Variants in GRM8 observed in about 807,000 individuals in gnomAD.
GRM8 encodes the protein glutamate metabotropic receptor 8, also known as metabotropic glutamate receptor 8.
Under a neutral mutation model 87.2 loss-of-function variants are expected in GRM8, and 47 were observed. The ratio of observed to expected loss-of-function variants is 0.54; its 90% confidence interval spans 0.43 to 0.69. The LOEUF (loss-of-function observed/expected upper bound fraction) is 0.69. Ranked by LOEUF, GRM8 falls within the 30% of genes least tolerant of loss-of-function variation. The pLI is 0.00. For synonymous variants in GRM8, 396 were observed against 404.5 expected, an observed-to-expected ratio of 0.98 and a Z score of 0.25; for missense variants, 1,019 against 1,139.2, an observed-to-expected ratio of 0.89 and a Z score of 1.52.
intron 3 of GRM8, among the ~76,000 whole-genome samples, chr7:127,066,688 ATAT>A (rs1051822158): frequency 7.2e-5 from 11 of 152,256 alleles, no homozygotes; most frequent in Admixed American, 1.3e-4. Flanking sequence ...TTGAAACTGT[ATAT>A]TATTAACAGT....
chr7:126,976,065 T>C (rs1810954854), intron 3 of GRM8, among the ~76,000 whole-genome samples: 1 of 152,188 alleles, frequency 6.6e-6, no homozygotes, highest in Non-Finnish European at 1.5e-5. Flanking sequence ...GATAATGAAG[T>C]TGAAAAACAC....
Position 127,097,855 on chromosome 7 carries a change from T to C in GRM8, c.727+8641A>G, listed in dbSNP as rs529693646. Among the ~76,000 whole-genome samples, 8 of 152,360 alleles carry C rather than the reference T, an allele frequency of 5.3e-5. No individual in the cohort carries two copies. In the South Asian group the frequency reaches 1.2e-3, roughly 24 times the overall value. ...CAAACTGCCATTGTTTACTAAAAAC[T>C]TAACTACAGCATTAGAATCATAGGT... On this transcript the variant is annotated intron_variant, in intron 3 of 10. Transcript: ENST00000339582.
At chr7:126,486,133 G>A (rs557382080) in intron 9 of GRM8, among the ~76,000 whole-genome samples, 1 of 152,006 alleles carries the variant, frequency 6.6e-6, no homozygotes, top group African/African-American at 2.4e-5. Flanking sequence ...ACAAACCATA[G>A]CTACATAGCT....
intron 7 of GRM8, among the ~76,000 whole-genome samples, chr7:126,616,748 C>T (rs766152001): frequency 4.6e-5 from 7 of 152,174 alleles, no homozygotes; most frequent in Non-Finnish European, 8.8e-5. Context: ...CTATAAACAC[C>T]ACTGCGGAAA....
intron 9 of GRM8, among the ~76,000 whole-genome samples, chr7:126,453,070 AACAC>A (rs71177555): frequency 0.14 from 20,868 of 145,808 alleles, 1,429 homozygotes; most frequent in South Asian, 0.16. Flanking sequence ...TTATAGCAGA[AACAC>A]ACACACACAC....
chr7:126,662,465 G>A lies in GRM8; in HGVS notation c.1358-52967C>T, dbSNP rs1013420494. 3.3e-5 allele frequency among the ~76,000 whole-genome samples: 5 copies of A among 152,248 alleles called. No individual in the cohort carries two copies. In the East Asian group the frequency reaches 9.7e-4, roughly 29 times the overall value. On this transcript the variant is annotated intron_variant, in intron 7 of 10. Transcript: ENST00000339582. Reference sequence around the variant, plus strand: ...GGCTGAAACTCTGAAATGGAAGAAGGCTCAAGAGGTTTATTAGACTATTCA... The same window carrying A: ...GGCTGAAACTCTGAAATGGAAGAAGACTCAAGAGGTTTATTAGACTATTCA...
At chr7:126,684,631 T>C (rs1304016306) in intron 7 of GRM8, among the ~76,000 whole-genome samples, 4 of 152,170 alleles carry the variant, frequency 2.6e-5, no homozygotes, top group African/African-American at 7.2e-5. Flanking sequence ...GTTGCATCTC[T>C]CCAGCACAGT....
chr7:127,129,262 C>A (rs1181058631), intron 2 of GRM8, among the ~76,000 whole-genome samples: 2 of 152,094 alleles, frequency 1.3e-5, no homozygotes, highest in Non-Finnish European at 2.9e-5. Flanking sequence ...CAAGACTGAA[C>A]ACTTTTATTT....
intron 3 of GRM8, among the ~76,000 whole-genome samples, chr7:127,080,232 A>T (rs1012478059): frequency 6.6e-6 from 1 of 152,210 alleles, no homozygotes. Flanking sequence ...GGCTTTGAAG[A>T]TAGAAGGGGA....
intron 6 of GRM8, among the ~76,000 whole-genome samples, chr7:126,849,634 C>T (rs138830136): frequency 8.5e-4 from 130 of 152,298 alleles, no homozygotes; most frequent in African/African-American, 3.0e-3. Flanking sequence ...TCCGTCTCTT[C>T]AAACCTTGAA....
At chr7:126,443,372 T>G (rs537550615) in intron 10 of GRM8, among the ~76,000 whole-genome samples, 8 of 152,156 alleles carry the variant, frequency 5.3e-5, no homozygotes, top group African/African-American at 1.9e-4. Flanking sequence ...TTACTTATAT[T>G]TACTCTGTGT....
chr7:126,545,986 C>A (rs952390346), intron 8 of GRM8, among the ~76,000 whole-genome samples: 1 of 152,078 alleles, frequency 6.6e-6, no homozygotes, highest in Non-Finnish European at 1.5e-5. Flanking sequence ...TATGACTCAA[C>A]GTTCATTTAA....
chr7:126,519,417 T>G (rs1218781181), intron 9 of GRM8, among the ~76,000 whole-genome samples: 1 of 152,108 alleles, frequency 6.6e-6, no homozygotes, highest in Non-Finnish European at 1.5e-5. Context: ...AGTTTGGATT[T>G]GAGCTAATAG....
intron 8 of GRM8, among the ~76,000 whole-genome samples, chr7:126,539,599 A>G (rs1359567135): frequency 6.6e-6 from 1 of 152,114 alleles, no homozygotes; most frequent in African/African-American, 2.4e-5. Context: ...TAAACAAATT[A>G]GTGGCATAGA....
chr7:126,554,213 T>A (rs1402900636), intron 8 of GRM8, among the ~76,000 whole-genome samples: 1 of 151,982 alleles, frequency 6.6e-6, no homozygotes, highest in Non-Finnish European at 1.5e-5. Flanking sequence ...AAGATTTTTT[T>A]AAATTGTAGA....
chr7:126,912,742 T>C (rs1456536463), intron 3 of GRM8, among the ~76,000 whole-genome samples: 1 of 152,192 alleles, frequency 6.6e-6, no homozygotes, highest in Non-Finnish European at 1.5e-5. Context: ...ATTCACCATA[T>C]GTACATTAGT....
intron 7 of GRM8, among the ~76,000 whole-genome samples, chr7:126,737,727 A>G (rs1814399747): frequency 6.6e-6 from 1 of 152,054 alleles, no homozygotes; most frequent in South Asian, 2.1e-4. Flanking sequence ...CATCTATTGA[A>G]CACCTCTTAG....
At chr7:126,614,355 C>T (rs1420990698) in intron 7 of GRM8, among the ~76,000 whole-genome samples, 2 of 152,096 alleles carry the variant, frequency 1.3e-5, no homozygotes, top group Non-Finnish European at 2.9e-5. Context: ...GAAAGGACAT[C>T]CACACCAAAA....
intron 6 of GRM8, among the ~76,000 whole-genome samples, chr7:126,896,778 T>G (rs1801585051): frequency 6.6e-6 from 1 of 152,134 alleles, no homozygotes; most frequent in Non-Finnish European, 1.5e-5. Flanking sequence ...ATAGGCCATT[T>G]TGCATAGCAT....
Sources: gnomAD v4.1 joint callset for allele counts (sites outside exome capture counted in the v4.1 genomes callset) on GRCh38, gnomAD v4.1.1 for gene constraint, MANE v1.5 for transcripts, NCBI Gene and HGNC (gene_info 2026-07-23, HGNC 2026-07-21) for gene names.